CRIM1: variants seen among roughly 807,000 people sequenced by gnomAD.
CRIM1 encodes the protein cysteine rich transmembrane BMP regulator 1, also known as cysteine-rich motor neuron 1 protein.
CRIM1 carries 32 observed loss-of-function variants against 116.4 expected under a neutral mutation model. The ratio of observed to expected loss-of-function variants is 0.27; its 90% CI spans 0.21 to 0.37. CRIM1 has a LOEUF of 0.37. Ranked by LOEUF, CRIM1 falls within the 10% of genes least tolerant of loss-of-function variation. The probability of loss-of-function intolerance (pLI) is 1.00; values close to 1 mark genes in which losing one functional copy is unlikely to be tolerated. For missense variants in CRIM1, 1,331 were observed against 1,354.8 expected (o/e 0.98, Z 0.28); for synonymous variants, 590 against 509.2 (o/e 1.16, Z -2.13).
In CRIM1 at chr2:36,442,773, T is replaced by C. The variant is rs766400001; in HGVS notation, c.869+38T>C. On this transcript the variant is annotated intron_variant, in intron 4 of 16. Coordinates refer to ENST00000280527, the MANE Select transcript of CRIM1 (RefSeq NM_016441.3). Reference sequence around the variant, plus strand: ...TTAGTTTGTCAAGTTTTCTCCTCATTTGTTAGCATCATCTAAGGTACATTT... The same window carrying C: ...TTAGTTTGTCAAGTTTTCTCCTCATCTGTTAGCATCATCTAAGGTACATTT... 33 of 1,612,928 alleles carry C rather than the reference T, an allele frequency of 2.0e-5. No homozygotes were observed. The Admixed American group carries it at 5.2e-4, about 25-fold the overall frequency.
At chr2:36,439,117 G>A (rs1572731990) in intron 2 of CRIM1, among the ~76,000 whole-genome samples, 1 of 152,214 alleles carries the variant, frequency 6.6e-6, no homozygotes, top group East Asian at 1.9e-4. Flanking sequence ...GTGAGGCACA[G>A]GTGCCATGAA....
chr2:36,480,478 G>A (rs918397883), intron 7 of CRIM1, among the ~76,000 whole-genome samples: 2 of 152,118 alleles, frequency 1.3e-5, no homozygotes, highest in Non-Finnish European at 2.9e-5. Flanking sequence ...GAACTAATGT[G>A]GATCAAAAAT....
At chr2:36,362,220 A>T (rs1212566120) in intron 1 of CRIM1, among the ~76,000 whole-genome samples, 2 of 151,712 alleles carry the variant, frequency 1.3e-5, no homozygotes, top group Non-Finnish European at 2.9e-5. Context: ...AAGTCTGTGT[A>T]TGATTAATTG....
At chr2:36,392,654 T>C (rs1671704872) in intron 1 of CRIM1, among the ~76,000 whole-genome samples, 1 of 152,196 alleles carries the variant, frequency 6.6e-6, no homozygotes, top group Non-Finnish European at 1.5e-5. Context: ...CAGTCCTTGT[T>C]GATTTTGTTA....
intron 13 of CRIM1, among the ~76,000 whole-genome samples, chr2:36,537,042 A>G (rs1666600515): frequency 6.6e-6 from 1 of 151,744 alleles, no homozygotes; most frequent in Admixed American, 6.6e-5. Flanking sequence ...CTGTAAATAA[A>G]CTCAGCTGGA....
chr2:36,548,625 A>C lies in CRIM1; in HGVS notation c.3035A>C (p.Asp1012Ala). Reference protein sequence around the residue: ...SQRMLRIAEPDARFSGFYSMQ... With the variant: ...SQRMLRIAEPAARFSGFYSMQ... ...AGAATGCTAAGAATTGCAGAACCAGATGCAAGATTCAGTGGCTTCTACAGC... is the reference window on the plus strand; with the variant it reads ...AGAATGCTAAGAATTGCAGAACCAGCTGCAAGATTCAGTGGCTTCTACAGC... Residue 1012 changes from aspartate (D) to alanine (A), a missense_variant, in exon 17 of 17, where the codon GAT (aspartate) becomes GCT (alanine). Transcript: ENST00000280527. 1.2e-6 allele frequency: 2 copies of C among 1,613,074 alleles called. No homozygotes were observed. Among genetic ancestry groups the C allele is most frequent in the Non-Finnish European group, 1.7e-6 (2 of 1,179,572 alleles).
At chr2:36,538,736 TTC>T (rs1666732404) in intron 14 of CRIM1, among the ~76,000 whole-genome samples, 1 of 152,126 alleles carries the variant, frequency 6.6e-6, no homozygotes, top group Non-Finnish European at 1.5e-5. Flanking sequence ...TTCAGTTGGG[TTC>T]TCTTTATAGT....
chr2:36,398,454 C>T (rs1223966539), intron 2 of CRIM1, among the ~76,000 whole-genome samples: 1 of 152,122 alleles, frequency 6.6e-6, no homozygotes, highest in Non-Finnish European at 1.5e-5. Flanking sequence ...ATTAGTTAGG[C>T]GTGTATTTAT....
At chr2:36,439,684 C>T (rs551494266) in intron 2 of CRIM1, among the ~76,000 whole-genome samples, 53 of 152,236 alleles carry the variant, frequency 3.5e-4, no homozygotes, top group African/African-American at 1.2e-3. Flanking sequence ...TTTGTTCAGC[C>T]GTAAACTTCT....
rs534996132 is a variant in CRIM1, at chr2:36,356,368, C to A, written c.76C>A (p.Leu26Met). The change falls in exon 1 of 17, where the codon CTG (leucine) becomes ATG (methionine). Residue 26 changes from leucine to methionine, a missense_variant. Physicochemically the swap from Leu to Met is conservative, Grantham distance 15. Transcript: ENST00000280527. This position sits in a 1 kb window ranked among gnomAD's most constrained non-coding sequence, Gnocchi z 4.3. ...LLVSLLGLLL[L>M]LARSGTRALV... ...GGTCTCGCTGCTGGGGCTGCTGCTG[C>A]TGCTGGCGCGCTCCGGCACCCGGGC... 1.8e-3 allele frequency: 2,797 copies of A among 1,595,650 alleles called. 86 individuals carry two copies. The South Asian group carries it at 0.027, about 15-fold the overall frequency.
In CRIM1 at chr2:36,392,359, T is replaced by A. The variant is rs191511184; in HGVS notation, c.332-4255T>A. Among the ~76,000 whole-genome samples, 9 of 152,340 alleles carry A rather than the reference T, an allele frequency of 5.9e-5. No homozygotes were observed. In the East Asian group the frequency reaches 1.5e-3, roughly 26 times the overall value. ...CAGAGGTACCTCAGTTGTCTTCACC[T>A]TTCAGGCTAGGAGACTACATCTTGT... On this transcript the variant is annotated intron_variant, in intron 1 of 16. Coordinates refer to ENST00000280527, the MANE Select transcript of CRIM1 (RefSeq NM_016441.3).
chr2:36,483,060 T>C (rs918568981), intron 7 of CRIM1, among the ~76,000 whole-genome samples: 2 of 152,218 alleles, frequency 1.3e-5, no homozygotes, highest in African/African-American at 4.8e-5. Flanking sequence ...TGATGAATTC[T>C]TAGCAAGTTA....
chr2:36,455,064 C>A (rs1055275724), intron 4 of CRIM1, among the ~76,000 whole-genome samples: 20 of 152,118 alleles, frequency 1.3e-4, no homozygotes, highest in Admixed American at 5.2e-4. Flanking sequence ...GTAGATGTCT[C>A]AGTGACTTTG....
chr2:36,441,567 C>T, intron 3 of CRIM1, 67 bp downstream of exon 3: 1 of 1,559,662 alleles, frequency 6.4e-7, no homozygotes, highest in Non-Finnish European at 8.7e-7. Context: ...CCCTCCTCAG[C>T]CACCCCTGGC....
rs552417057 is a variant in CRIM1 at position 36,401,914 on chromosome 2, AG to A, written c.505+5132del. Among the ~76,000 whole-genome samples, 333 of 152,312 alleles carry A rather than the reference AG, an allele frequency of 2.2e-3. 1 individual carries two copies. The highest frequency in any genetic ancestry group is 7.0e-3 in the African/African-American group (293 of 41,570). On this transcript the variant is annotated intron_variant, in intron 2 of 16. Coordinates refer to ENST00000280527, the MANE Select transcript of CRIM1 (RefSeq NM_016441.3). ...CAGCTCTCATGGAGCTTAACTCCAA[AG>A]GGGGACTTGGACTGAAGTCCTGCCA...
At chr2:36,483,648 T>A (rs1025453506) in intron 7 of CRIM1, among the ~76,000 whole-genome samples, 1 of 152,192 alleles carries the variant, frequency 6.6e-6, no homozygotes, top group Non-Finnish European at 1.5e-5. Context: ...TCCATCCCCC[T>A]GTAAAGAAAG....
At chr2:36,453,890 C>T (rs1676927225) in intron 4 of CRIM1, among the ~76,000 whole-genome samples, 1 of 152,142 alleles carries the variant, frequency 6.6e-6, no homozygotes, top group Non-Finnish European at 1.5e-5. Flanking sequence ...GAAGGGCATT[C>T]TAGGCTGTTG....
chr2:36,379,249 G>A (rs1670548288), intron 1 of CRIM1: 1 of 152,098 alleles, frequency 6.6e-6, no homozygotes, highest in Non-Finnish European at 1.5e-5. Context: ...TGGTTCTTGT[G>A]TGGCAAAATT....
intron 1 of CRIM1, among the ~76,000 whole-genome samples, chr2:36,361,416 TGTG>T (rs1669216096): frequency 6.6e-6 from 1 of 152,116 alleles, no homozygotes; most frequent in African/African-American, 2.4e-5. Context: ...CTTTGTTTTG[TGTG>T]GTTTGTTGAA....
Sources: allele counts gnomAD v4.1 joint callset (sites outside exome capture counted in the v4.1 genomes callset), GRCh38; gene constraint gnomAD v4.1.1; non-coding constraint Gnocchi (gnomAD v3.1); transcripts MANE v1.5; gene names NCBI Gene and HGNC (gene_info 2026-07-23, HGNC 2026-07-21).